The following PLCB1 variants were observed in gnomAD, a reference collection of about 807,000 sequenced individuals.
PLCB1 encodes the protein 1-phosphatidylinositol 4,5-bisphosphate phosphodiesterase beta-1.
In PLCB1, 46 loss-of-function variants were observed where a neutral mutation model predicts 161.8. The observed-to-expected ratio is 0.28, with a 90% CI of 0.22 to 0.36. The LOEUF (loss-of-function observed/expected upper bound fraction) is 0.36. Among genes scored for constraint, PLCB1 ranks in the 10% least tolerant of loss-of-function variants. The pLI, the probability that PLCB1 is intolerant of heterozygous loss-of-function variation, is 1.00. For missense variants in PLCB1, 1,016 were observed against 1,472.5 expected, an observed-to-expected ratio of 0.69 and a Z score of 5.07; for synonymous variants, 517 against 503.7, an observed-to-expected ratio of 1.03 and a Z score of -0.35.
rs1489151569 is a variant in PLCB1 at position 8,884,141 on chromosome 20, T to C, written c.*2292T>C. ...TATGTTTGTATTTGGCCATTTACTGTAATCACATTTTTATATCTGTACAAT... is the reference window on the plus strand; with the variant it reads ...TATGTTTGTATTTGGCCATTTACTGCAATCACATTTTTATATCTGTACAAT... On this transcript the variant is annotated 3_prime_UTR_variant, in exon 32 of 32. Transcript: ENST00000338037. 1 of 152,498 alleles carries C rather than the reference T, an allele frequency of 6.6e-6. No individual in the cohort carries two copies. Among genetic ancestry groups the C allele is most frequent in the Non-Finnish European group, 1.5e-5 (1 of 68,018 alleles). 9.4% of individuals were successfully genotyped at this position (152,498 alleles called of 1,614,324 possible).
intron 3 of PLCB1, among the ~76,000 whole-genome samples, chr20:8,467,898 T>G (rs1394949047): frequency 6.6e-6 from 1 of 152,158 alleles, no homozygotes; most frequent in East Asian, 1.9e-4. Flanking sequence ...TCTGCACCAT[T>G]AGGATGATTA....
chr20:8,738,730 G>A (rs994859089), intron 20 of PLCB1, among the ~76,000 whole-genome samples: 1 of 152,146 alleles, frequency 6.6e-6, no homozygotes, highest in Non-Finnish European at 1.5e-5. Context: ...TTAAGGCAAG[G>A]TGATAAAACA....
chr20:8,231,173 A>G lies in PLCB1; in HGVS notation c.177+80802A>G, dbSNP rs148877089. On this transcript the variant is annotated intron_variant, in intron 2 of 31. Transcript: ENST00000338037. The stretch of plus-strand genomic sequence containing the variant: ...TCATTTCTTAGGTAGAAGCCTATGT[A>G]TGCATGTATCACATGCTTTTGCTGT... Among the ~76,000 whole-genome samples, 52 of 152,286 alleles carry G rather than the reference A, an allele frequency of 3.4e-4. No individual in the cohort carries two copies. In the East Asian group the frequency reaches 8.3e-3, roughly 24 times the overall value.
At chr20:8,594,160 C>T (rs540739522) in intron 3 of PLCB1, among the ~76,000 whole-genome samples, 9 of 152,234 alleles carry the variant, frequency 5.9e-5, no homozygotes, top group Admixed American at 1.3e-4. Flanking sequence ...CTCAACCTCC[C>T]GAAGTGCTAG....
chr20:8,696,094 A>C (rs368064227), intron 10 of PLCB1, among the ~76,000 whole-genome samples: 9 of 152,308 alleles, frequency 5.9e-5, no homozygotes, highest in African/African-American at 1.7e-4. Context: ...AGGTCACAAA[A>C]ATTTACTGCT....
intron 2 of PLCB1, among the ~76,000 whole-genome samples, chr20:8,181,562 T>C (rs1019419907): frequency 2.6e-5 from 4 of 152,168 alleles, no homozygotes; most frequent in African/African-American, 9.7e-5. Flanking sequence ...ACTTGGCCTT[T>C]TTAGTCCAAG....
At chr20:8,544,886 A>G (rs989366908) in intron 3 of PLCB1, among the ~76,000 whole-genome samples, 3 of 66,832 alleles carry the variant, frequency 4.5e-5, no homozygotes, top group Non-Finnish European at 1.1e-4. Context: ...AAGAGAGGGT[A>G]TCTGTAACAA....
At chr20:8,662,235 T>A (rs867214644) in intron 9 of PLCB1, among the ~76,000 whole-genome samples, 1 of 115,266 alleles carries the variant, frequency 8.7e-6, no homozygotes, top group East Asian at 2.6e-4. Flanking sequence ...TAATTCTATA[T>A]ATAATTATTT....
At chr20:8,163,684 C>T (rs970857813) in intron 2 of PLCB1, among the ~76,000 whole-genome samples, 3 of 152,104 alleles carry the variant, frequency 2.0e-5, no homozygotes, top group South Asian at 2.1e-4. Flanking sequence ...ATGGAAATGC[C>T]GGCCGACATA....
chr20:8,645,498 T>C (rs1208772753), intron 4 of PLCB1, among the ~76,000 whole-genome samples: 1 of 152,180 alleles, frequency 6.6e-6, no homozygotes, highest in African/African-American at 2.4e-5. Flanking sequence ...GTAGACTTGC[T>C]CTTTTCCATT....
At chr20:8,287,509 T>C (rs753419813) in intron 2 of PLCB1, among the ~76,000 whole-genome samples, 3 of 152,200 alleles carry the variant, frequency 2.0e-5, no homozygotes, top group African/African-American at 7.2e-5. Context: ...TGTGGCTCCA[T>C]GTAGATGATT....
chr20:8,299,258 G>C (rs6118153), intron 2 of PLCB1, among the ~76,000 whole-genome samples: 2 of 152,074 alleles, frequency 1.3e-5, no homozygotes, highest in Admixed American at 1.3e-4. Context: ...AACATATAAA[G>C]GTGTATAAGC....
At chr20:8,804,750 G>A (rs1012199957) in intron 31 of PLCB1, among the ~76,000 whole-genome samples, 1 of 152,098 alleles carries the variant, frequency 6.6e-6, no homozygotes, top group African/African-American at 2.4e-5. Flanking sequence ...AGCACTTTGG[G>A]AGGCCGAGGT....
At chr20:8,508,911 T>A (rs540372400) in intron 3 of PLCB1, among the ~76,000 whole-genome samples, 3 of 152,244 alleles carry the variant, frequency 2.0e-5, no homozygotes, top group African/African-American at 7.2e-5. Context: ...ATTTTACTAC[T>A]GACATAAAGA....
At chr20:8,461,319 A>G (rs1307026055) in intron 3 of PLCB1, among the ~76,000 whole-genome samples, 2 of 152,176 alleles carry the variant, frequency 1.3e-5, no homozygotes, top group Non-Finnish European at 2.9e-5. Flanking sequence ...GTCAAATAAT[A>G]AAAAGATTTG....
At chr20:8,632,045 T>TTGG (rs1555778242) in intron 4 of PLCB1, among the ~76,000 whole-genome samples, 1 of 69,400 alleles carries the variant, frequency 1.4e-5, no homozygotes, top group African/African-American at 4.5e-5. Flanking sequence ...CTTTTTTTTT[T>TTGG]TTTTTTTTTT....
intron 12 of PLCB1, among the ~76,000 whole-genome samples, chr20:8,708,997 T>C (rs534560776): frequency 6.0e-4 from 91 of 152,354 alleles, no homozygotes; most frequent in African/African-American, 2.1e-3. Flanking sequence ...AAAACTCTTC[T>C]TTTTGCAATG....
chr20:8,748,529 T>C (rs779665837), intron 23 of PLCB1, among the ~76,000 whole-genome samples: 2 of 152,196 alleles, frequency 1.3e-5, no homozygotes, highest in Non-Finnish European at 2.9e-5. Flanking sequence ...TTTGGGTTCA[T>C]CTGCCTAAAA....
At position 8,853,970 on chromosome 20, in the gene PLCB1, AAGAG is replaced by A. The variant is rs1156842965; in HGVS notation, c.3424-27651_3424-27648del. Reference sequence around the variant, plus strand: ...CTTTACTATTTCACCACTAGAGGGCAAGAGGAGCCCCACAATGCTTGACATTGCC... The same window carrying A: ...CTTTACTATTTCACCACTAGAGGGCAGAGCCCCACAATGCTTGACATTGCC... On this transcript the variant is annotated intron_variant, in intron 31 of 31. Transcript: ENST00000338037. Among the ~76,000 whole-genome samples, 19 of 152,318 alleles carry A rather than the reference AAGAG, an allele frequency of 1.2e-4. No individual in the cohort carries two copies. In the East Asian group the frequency reaches 3.7e-3, roughly 29 times the overall value.
Sources: allele counts gnomAD v4.1 joint callset (sites outside exome capture counted in the v4.1 genomes callset), GRCh38; gene constraint gnomAD v4.1.1; transcripts MANE v1.5; gene names NCBI Gene and HGNC (gene_info 2026-07-23, HGNC 2026-07-21).